The following ITIH2 variants were observed in gnomAD, a reference collection of about 807,000 sequenced individuals.
ITIH2 encodes inter-alpha-trypsin inhibitor heavy chain H2.
A neutral mutation model predicts 104.4 loss-of-function variants in ITIH2; 103 were observed. That is an observed-to-expected ratio of 0.99 (90% CI 0.84 to 1.16). ITIH2 has a LOEUF of 1.16. ITIH2 is among the 50% of genes most tolerant of loss of function. ITIH2 has a pLI of 0.00. For missense variants in ITIH2, 1,108 were observed against 1,162.4 expected (o/e 0.95, Z 0.68); for synonymous variants, 436 against 435.4 (o/e 1.00, Z -0.02).
chr10:7,738,772 A>T lies in ITIH2; in HGVS notation c.2095+14A>T. On this transcript the variant is annotated intron_variant, in intron 16 of 20. Transcript: ENST00000358415. ...ATGTGATGAGAGGTAACGCTTCTAC[A>T]CTGCTTGCACGTCCCAGAACTCAGC... The T allele has an allele frequency of 6.3e-7, 1 of 1,577,942 alleles. No homozygotes were observed. Among genetic ancestry groups the T allele is most frequent in the Non-Finnish European group, 8.6e-7 (1 of 1,162,096 alleles).
chr10:7,727,068 C>A lies in ITIH2; in HGVS notation c.1103C>A (p.Thr368Lys), dbSNP rs1375827512. 1.2e-6 allele frequency: 2 copies of A among 1,614,152 alleles called. No homozygotes were observed. The change falls in exon 10 of 21, where the codon ACA (threonine) becomes AAA (lysine). Residue 368 changes from threonine (T) to lysine (K), a missense_variant. By Grantham distance (78) the Thr-to-Lys change is moderately conservative. Transcript: ENST00000358415. The stretch of plus-strand genomic sequence containing the variant: ...AATGATTTAATTTCAGCTACAAAAA[C>A]ACAGGTTGCAGATGCCAAGAGGTAT... ...WRNDLISATK[T>K]QVADAKRYIE...
At chr10:7,735,141 G>C (rs776169987) in intron 15 of ITIH2, 50 bp downstream of exon 15, 5 of 1,519,726 alleles carry the variant, frequency 3.3e-6, no homozygotes, top group Non-Finnish European at 3.5e-6. Flanking sequence ...CTCTTGCCCC[G>C]GGGGTGGGCG....
At chr10:7,748,465 C>T (rs1474147617) in intron 20 of ITIH2, among the ~76,000 whole-genome samples, 1 of 135,732 alleles carries the variant, frequency 7.4e-6, no homozygotes, top group African/African-American at 2.7e-5. Context: ...TCAGAAACAG[C>T]AGGTATCACT....
chr10:7,743,280 AT>A (rs761106933), intron 17 of ITIH2, 21 bp downstream of exon 17: 11 of 1,229,120 alleles, frequency 8.9e-6, no homozygotes, highest in Non-Finnish European at 1.3e-5. Flanking sequence ...AATAAATTAT[AT>A]TTGCACCAAT....
At chr10:7,720,031 G>A (rs1401484048) in intron 6 of ITIH2, among the ~76,000 whole-genome samples, 1 of 92 alleles carries the variant, frequency 0.011, no homozygotes, top group African/African-American at 0.17. Flanking sequence ...CTTGGGAGAA[G>A]TGTGGGAGGG....
Position 7,709,028 on chromosome 10 carries a change from G to C in ITIH2, c.199G>C (p.Val67Leu), listed in dbSNP as rs374137651. 6.2e-7 allele frequency: 1 copy of C among 1,613,448 alleles called. No homozygotes were observed. Among genetic ancestry groups the C allele is most frequent in the African/African-American group, 1.3e-5 (1 of 74,842 alleles). ...PGESEEMMEE[V>L]DQVTLYSYKV... is the part of the protein sequence containing the mutation. ...GCTTTCTTGCCAATTTCAGGAAGAG[G>C]TTGATCAAGTAACTCTTTATAGCTA... is the stretch of plus-strand genomic sequence containing the variant. The change falls in exon 4 of 21, where the codon GTT becomes CTT. Residue 67 changes from valine (V) to leucine (L), a missense_variant. Val to Leu is a conservative substitution (Grantham distance 32). Coordinates refer to ENST00000358415, the MANE Select transcript of ITIH2 (RefSeq NM_002216.3).
intron 11 of ITIH2, 118 bp from the exon 12 acceptor site, chr10:7,729,833 CA>C: frequency 1.7e-6 from 1 of 579,852 alleles, no homozygotes; most frequent in Non-Finnish European, 2.9e-6. Flanking sequence ...GTTACTGGGT[CA>C]AAAGGGAAAT....
At chr10:7,747,654 A>G (rs751124942) in intron 20 of ITIH2, among the ~76,000 whole-genome samples, 12 of 152,086 alleles carry the variant, frequency 7.9e-5, no homozygotes, top group South Asian at 2.1e-4. Context: ...TGAGAGGCCA[A>G]TGTGGGAGGA....
rs144648260 is a variant in ITIH2, at chr10:7,703,869, G to A, written c.84+351G>A. On this transcript the variant is annotated intron_variant, in intron 1 of 20. Transcript: ENST00000358415. Reference sequence around the variant, plus strand: ...ACAGTGTAAACTCTTCTAGCAGAGCGCCTGGACTAGTAAGTGCTTAATAAT... The same window carrying A: ...ACAGTGTAAACTCTTCTAGCAGAGCACCTGGACTAGTAAGTGCTTAATAAT... 1.8e-3 allele frequency among the ~76,000 whole-genome samples: 271 copies of A among 152,288 alleles called. 1 individual carries two copies. The highest frequency in any genetic ancestry group is 6.0e-3 in the African/African-American group (250 of 41,554).
At position 7,731,888 on chromosome 10, in the gene ITIH2, C is replaced by T; in HGVS notation, c.1539C>T (p.Val513=). 6.2e-7 allele frequency: 1 copy of T among 1,613,872 alleles called. No homozygotes were observed. The highest frequency in any genetic ancestry group is 1.1e-5 in the South Asian group (1 of 91,076). The change falls in exon 13 of 21, where the codon GTC becomes GTT. Residue 513 remains valine, a synonymous_variant. Transcript: ENST00000358415. ...FNYPHTSVTD[V]TQNNFHNYFG... is the part of the protein sequence containing the mutation. ...ATCCCCATACATCAGTCACGGACGTCACTCAAAACAATTTCCATAACTACT... is the reference window on the plus strand; with the variant it reads ...ATCCCCATACATCAGTCACGGACGTTACTCAAAACAATTTCCATAACTACT...
intron 20 of ITIH2, among the ~76,000 whole-genome samples, chr10:7,747,021 A>T (rs2130969055): frequency 6.6e-6 from 1 of 152,354 alleles, no homozygotes; most frequent in East Asian, 1.9e-4. Context: ...GGAGAGAATC[A>T]TAAAACACCT....
chr10:7,713,382 C>A, intron 5 of ITIH2, 97 bp downstream of exon 5: 1 of 935,392 alleles, frequency 1.1e-6, no homozygotes, highest in Non-Finnish European at 1.7e-6. Context: ...TGGAAAGGCA[C>A]AGCACCTGAG....
intron 12 of ITIH2, among the ~76,000 whole-genome samples, 195 bp from the exon 13 acceptor site, chr10:7,731,616 T>G (rs1404707055): frequency 1.3e-5 from 2 of 151,990 alleles, no homozygotes; most frequent in Non-Finnish European, 2.9e-5. Context: ...TCCCAGCTAC[T>G]TGTGGGGCTG....
chr10:7,711,756 G>A (rs1400392063), intron 4 of ITIH2, among the ~76,000 whole-genome samples: 2 of 152,136 alleles, frequency 1.3e-5, no homozygotes, highest in African/African-American at 4.8e-5. Flanking sequence ...TCATATTGCA[G>A]GATGACTAAC....
intron 4 of ITIH2, among the ~76,000 whole-genome samples, chr10:7,711,585 G>A (rs79965275): frequency 2.0e-5 from 3 of 152,074 alleles, no homozygotes; most frequent in African/African-American, 7.2e-5. Context: ...GTTCTGATTC[G>A]ATAGAAGCAT....
chr10:7,705,270 A>G (rs536690827), intron 2 of ITIH2, 88 bp downstream of exon 2: 5 of 936,586 alleles, frequency 5.3e-6, no homozygotes, highest in Non-Finnish European at 8.5e-6. Flanking sequence ...CTTCTGCTAG[A>G]TTTTCTTAAG....
intron 15 of ITIH2, among the ~76,000 whole-genome samples, chr10:7,736,141 T>C (rs1835053544): frequency 6.6e-6 from 1 of 152,076 alleles, no homozygotes; most frequent in Non-Finnish European, 1.5e-5. Flanking sequence ...TGGAGTGGGT[T>C]AATTGCTTGA....
At chr10:7,734,880 A>G (rs181399280) in intron 14 of ITIH2, 42 bp from the exon 15 acceptor site, 13 of 1,542,858 alleles carry the variant, frequency 8.4e-6, no homozygotes, top group Non-Finnish European at 1.1e-5. Flanking sequence ...CTCCCCCTCC[A>G]ATGCAGCCAT....
chr10:7,711,120 T>C (rs1029004012), intron 4 of ITIH2, among the ~76,000 whole-genome samples: 1 of 152,136 alleles, frequency 6.6e-6, no homozygotes, highest in African/African-American at 2.4e-5. Context: ...ACACGGTGTG[T>C]AATATTCCCC....
Sources: allele counts gnomAD v4.1 joint callset (sites outside exome capture counted in the v4.1 genomes callset), GRCh38; gene constraint gnomAD v4.1.1; transcripts MANE v1.5; gene names NCBI Gene and HGNC (gene_info 2026-07-23, HGNC 2026-07-21).